The following SEMA6A variants were observed in gnomAD, a reference collection of about 807,000 sequenced individuals.
SEMA6A encodes semaphorin-6A.
SEMA6A carries 25 observed loss-of-function variants against 96.8 expected under a neutral mutation model. That is an observed-to-expected ratio of 0.26 (90% CI 0.19 to 0.36). The LOEUF is 0.36. Ranked by LOEUF, SEMA6A falls within the 10% of genes least tolerant of loss-of-function variation. The pLI, the probability that SEMA6A is intolerant of heterozygous loss-of-function variation, is 1.00. For missense variants in SEMA6A, 1,363 were observed against 1,323.1 expected, an observed-to-expected ratio of 1.03 and a Z score of -0.47; for synonymous variants, 612 against 518.0, an observed-to-expected ratio of 1.18 and a Z score of -2.46.
intron 1 of SEMA6A, among the ~76,000 whole-genome samples, chr5:116,519,126 C>T (rs191807398): frequency 1.3e-5 from 2 of 152,266 alleles, no homozygotes; most frequent in Non-Finnish European, 2.9e-5. Context: ...CGTCCAGAAT[C>T]CTCAATGAGA....
chr5:116,558,124 C>A (rs1760678505), intron 1 of SEMA6A, among the ~76,000 whole-genome samples: 1 of 152,166 alleles, frequency 6.6e-6, no homozygotes, highest in African/African-American at 2.4e-5. Context: ...TTGTTAAAGC[C>A]CCCTGAAAAT....
chr5:116,523,439 G>A (rs774121773), intron 1 of SEMA6A, among the ~76,000 whole-genome samples: 2 of 151,988 alleles, frequency 1.3e-5, no homozygotes, highest in Non-Finnish European at 1.5e-5. Context: ...TCAGCCTCCC[G>A]AGTCTGAGAC....
At position 116,446,739 on chromosome 5, in the gene SEMA6A, G is replaced by A. The variant is rs1191417043; in HGVS notation, c.2967C>T (p.Leu989=). ...ACCTTGTCAGTGAGTTGTAGGCGTT[G>A]AGGCTGGGCTGCCTCGAGACAGTCA... ...QAVTVSRQPS[L]NAYNSLTRSG... The change falls in exon 19 of 19, where the codon CTC becomes CTT. Residue 989 remains leucine, a synonymous_variant. Coordinates refer to ENST00000343348, the MANE Select transcript of SEMA6A (RefSeq NM_020796.5). 6.2e-7 allele frequency: 1 copy of A among 1,605,342 alleles called. No homozygotes were observed.
At chr5:116,525,288 C>A (rs1759172231) in intron 1 of SEMA6A, among the ~76,000 whole-genome samples, 1 of 152,088 alleles carries the variant, frequency 6.6e-6, no homozygotes, top group African/African-American at 2.4e-5. Context: ...GTTATTTAAT[C>A]TGTGTAAGGC....
At chr5:116,504,674 T>C (rs562804615) in intron 2 of SEMA6A, among the ~76,000 whole-genome samples, 171 bp downstream of exon 2, 134 of 152,348 alleles carry the variant, frequency 8.8e-4, no homozygotes, top group Non-Finnish European at 1.4e-3. Context: ...GATGGAGTTA[T>C]AGAAAAATCA....
At chr5:116,526,468 G>A (rs1200384357) in intron 1 of SEMA6A, among the ~76,000 whole-genome samples, 3 of 152,152 alleles carry the variant, frequency 2.0e-5, no homozygotes, top group African/African-American at 4.8e-5. Flanking sequence ...ATGAATGTTT[G>A]ATTGGTAAAC....
At chr5:116,476,247 A>G (rs964602388) in intron 15 of SEMA6A, among the ~76,000 whole-genome samples, 1 of 152,216 alleles carries the variant, frequency 6.6e-6, no homozygotes, top group Non-Finnish European at 1.5e-5. Context: ...TACAAGCAAC[A>G]TGACATTAAC....
At chr5:116,472,769 G>C in intron 17 of SEMA6A, 1 of 703,030 alleles carries the variant, frequency 1.4e-6, no homozygotes, top group Admixed American at 3.6e-5. Flanking sequence ...TTAGTGAATT[G>C]GGGCCCTAAA....
chr5:116,478,501 T>A (rs1290059169), intron 13 of SEMA6A, 41 bp downstream of exon 13: 2 of 1,541,716 alleles, frequency 1.3e-6, no homozygotes, highest in Non-Finnish European at 1.8e-6. Flanking sequence ...CATAATAGCA[T>A]AACAAATAAT....
At chr5:116,480,783 AACATTT>A (rs1472380395) in intron 11 of SEMA6A, among the ~76,000 whole-genome samples, 4 of 152,154 alleles carry the variant, frequency 2.6e-5, no homozygotes, top group African/African-American at 9.7e-5. Context: ...TCGCTCAGAG[AACATTT>A]TGGTTTTGTT....
At chr5:116,507,102 C>G (rs1296634231) in intron 1 of SEMA6A, among the ~76,000 whole-genome samples, 1 of 152,176 alleles carries the variant, frequency 6.6e-6, no homozygotes, top group Non-Finnish European at 1.5e-5. Context: ...TTCTGGCTAT[C>G]CCTGCAGCCA....
chr5:116,539,618 T>TGTGTGTGTGTGTGG (rs748442933), intron 1 of SEMA6A, among the ~76,000 whole-genome samples: 5 of 151,726 alleles, frequency 3.3e-5, no homozygotes, highest in African/African-American at 1.2e-4. Flanking sequence ...TGTGTGTGTG[T>TGTGTGTGTGTGTGG]ACTTTCTTTA....
intron 1 of SEMA6A, among the ~76,000 whole-genome samples, chr5:116,558,149 T>A (rs899051106): frequency 6.6e-6 from 1 of 152,228 alleles, no homozygotes; most frequent in African/African-American, 2.4e-5. Flanking sequence ...GATTTTCCAA[T>A]CCTGTTTTGT....
rs778382299 is a variant in SEMA6A, at chr5:116,467,702, G to A, written c.1775C>T (p.Thr592Met). The A allele has an allele frequency of 2.4e-5, 39 of 1,613,640 alleles. No homozygotes were observed. The highest frequency in any genetic ancestry group is 2.7e-5 in the Non-Finnish European group (32 of 1,179,840). The change falls in exon 18 of 19, where the codon ACG becomes ATG. Residue 592 changes from threonine (T) to methionine (M), a missense_variant. Around this residue, in one of 2 missense-constraint regions of SEMA6A, gnomAD observed 883 missense variants for 763.6 expected, o/e 1.16. Transcript: ENST00000343348. ...LLPSTTTSDS[T>M]AQEGYESRGG... ...CCTAGACTCATACCCCTCTTGAGCC[G>A]TCGAATCTGATGTGGTTGTGCTGGG...
intron 1 of SEMA6A, among the ~76,000 whole-genome samples, chr5:116,507,549 T>C (rs149442008): frequency 4.7e-4 from 71 of 152,318 alleles, no homozygotes; most frequent in African/African-American, 1.7e-3. Context: ...GTGAGCAGTG[T>C]TGCTGCAATT....
intron 1 of SEMA6A, among the ~76,000 whole-genome samples, chr5:116,572,893 G>A (rs1469804581): frequency 1.3e-5 from 2 of 152,192 alleles, no homozygotes; most frequent in African/African-American, 4.8e-5. Flanking sequence ...AGGAGCGCCT[G>A]GTCTAGTGAC....
At chr5:116,460,672 G>T (rs1456015677) in intron 18 of SEMA6A, among the ~76,000 whole-genome samples, 1 of 151,958 alleles carries the variant, frequency 6.6e-6, no homozygotes, top group Non-Finnish European at 1.5e-5. Flanking sequence ...TGAGCATCCT[G>T]TATTTTGCCT....
At chr5:116,556,469 T>C (rs896540847) in intron 1 of SEMA6A, among the ~76,000 whole-genome samples, 12 of 152,236 alleles carry the variant, frequency 7.9e-5, no homozygotes, top group Admixed American at 7.2e-4. Context: ...ATTGAGTGTT[T>C]ATGTACCAGA....
Position 116,559,299 on chromosome 5 carries a change from C to T in SEMA6A, c.-39+14886G>A, listed in dbSNP as rs147745400. Among the ~76,000 whole-genome samples, 236 of 152,240 alleles carry T rather than the reference C, an allele frequency of 1.6e-3. 1 individual carries two copies. The highest frequency in any genetic ancestry group is 5.4e-3 in the African/African-American group (225 of 41,518). ...AGCTTGGGGGGATGAATAACTCCTC[C>T]CTCCTCAGGCCCAGTCCGCAAGGCC... On this transcript the variant is annotated intron_variant, in intron 1 of 18. Transcript: ENST00000343348.
Sources: gnomAD v4.1 joint callset for allele counts (sites outside exome capture counted in the v4.1 genomes callset) on GRCh38, gnomAD v4.1.1 for gene constraint, gnomAD v4.1.1 regional missense constraint, MANE v1.5 for transcripts, NCBI Gene and HGNC (gene_info 2026-07-23, HGNC 2026-07-21) for gene names.